PEX5L: variants seen among roughly 807,000 people sequenced by gnomAD.
The protein encoded by PEX5L is PEX5-related protein.
In PEX5L, 30 loss-of-function variants were observed where a neutral mutation model predicts 84.0. The observed-to-expected ratio is 0.36, with a 90% confidence interval of 0.27 to 0.48. The LOEUF is 0.48. Among genes scored for constraint, PEX5L ranks in the 20% least tolerant of loss-of-function variants. PEX5L has a pLI of 0.99. For synonymous variants in PEX5L, 270 were observed against 283.1 expected, an observed-to-expected ratio of 0.95 and a Z score of 0.46; for missense variants, 533 against 754.6, an observed-to-expected ratio of 0.71 and a Z score of 3.44.
At chr3:179,814,067 C>T (rs893509647) in intron 10 of PEX5L, among the ~76,000 whole-genome samples, 7 of 151,906 alleles carry the variant, frequency 4.6e-5, no homozygotes, top group African/African-American at 1.5e-4. Flanking sequence ...CTGATCCTCC[C>T]GCCTTAGCCT....
intron 1 of PEX5L, among the ~76,000 whole-genome samples, chr3:180,029,059 T>G (rs1274496089): frequency 6.6e-6 from 1 of 152,220 alleles, no homozygotes; most frequent in Non-Finnish European, 1.5e-5. Flanking sequence ...GTGTCTTGTT[T>G]GGAGGGCCAT....
At chr3:180,023,059 G>A (rs1579383794) in intron 1 of PEX5L, among the ~76,000 whole-genome samples, 1 of 152,166 alleles carries the variant, frequency 6.6e-6, no homozygotes, top group South Asian at 2.1e-4. Context: ...CAGCGGCTGA[G>A]GTACCGACAT....
intron 1 of PEX5L, among the ~76,000 whole-genome samples, chr3:180,027,370 T>C (rs139061220): frequency 5.9e-5 from 9 of 152,328 alleles, no homozygotes; most frequent in East Asian, 3.9e-4. Context: ...CTCTTAAGCT[T>C]ACAGAAAAAT....
In PEX5L at chr3:179,801,922, A is replaced by G; in HGVS notation, c.1787T>C (p.Ile596Thr). 1.2e-6 allele frequency: 2 copies of G among 1,613,928 alleles called. No individual in the cohort carries two copies. Among genetic ancestry groups the G allele is most frequent in the East Asian group, 2.2e-5 (1 of 44,872 alleles). The change falls in exon 15 of 15, where the codon ATT (isoleucine) becomes ACT (threonine). Residue 596 changes from isoleucine to threonine, a missense_variant. Ile to Thr is a moderately conservative substitution (Grantham distance 89). Around this residue, in one of 8 missense-constraint regions of PEX5L, gnomAD observed 105 missense variants for 204.6 expected, o/e 0.51. Transcript: ENST00000467460. ...TGGTTGGTCCATCAGAGAGAGCGCA[A>G]TTCTGAGGGCAGCCCAGATATTCCC... is the stretch of plus-strand genomic sequence containing the variant. ...ISGNIWAALR[I>T]ALSLMDQPEL...
Position 179,981,215 on chromosome 3 carries a change from A to G in PEX5L, c.22-9550T>C, listed in dbSNP as rs140256407. On this transcript the variant is annotated intron_variant, in intron 1 of 14. Coordinates refer to ENST00000467460, the MANE Select transcript of PEX5L (RefSeq NM_016559.3). The stretch of plus-strand genomic sequence containing the variant: ...TGGGGGTTGATCCAGACGAGGCTGG[A>G]GAGGAAGGCCAAGTCTTGAAAATCA... Among the ~76,000 whole-genome samples the G allele has an allele frequency of 9.2e-3, 1,398 of 152,198 alleles. 14 individuals carry two copies. The highest frequency in any genetic ancestry group is 0.032 in the African/African-American group (1,311 of 41,524).
At chr3:179,847,689 C>G (rs769780463) in intron 8 of PEX5L, among the ~76,000 whole-genome samples, 2 of 151,550 alleles carry the variant, frequency 1.3e-5, no homozygotes, top group South Asian at 4.2e-4. Context: ...TTTGATTTTA[C>G]TTTATAAAAA....
intron 1 of PEX5L, among the ~76,000 whole-genome samples, chr3:180,009,760 G>A (rs2110461420): frequency 6.6e-6 from 1 of 151,828 alleles, no homozygotes; most frequent in African/African-American, 2.4e-5. Context: ...CTATATAGTT[G>A]TTTTTTTCCT....
At chr3:180,022,907 T>C (rs1168169955) in intron 1 of PEX5L, among the ~76,000 whole-genome samples, 2 of 152,110 alleles carry the variant, frequency 1.3e-5, no homozygotes, top group African/African-American at 2.4e-5. Flanking sequence ...GAGTGCAGAG[T>C]ATCGGTAAAG....
intron 1 of PEX5L, among the ~76,000 whole-genome samples, chr3:180,021,226 G>T (rs1392053890): frequency 2.6e-5 from 4 of 152,158 alleles, no homozygotes; most frequent in Non-Finnish European, 5.9e-5. Context: ...AAGGCCAGAG[G>T]CATGGAGGCA....
At chr3:179,887,214 C>T (rs1171309627) in intron 4 of PEX5L, among the ~76,000 whole-genome samples, 1 of 152,116 alleles carries the variant, frequency 6.6e-6, no homozygotes, top group African/African-American at 2.4e-5. Context: ...AAAATGAAAC[C>T]GGCTCTATAC....
chr3:179,932,022 T>C (rs2109629575), intron 2 of PEX5L, among the ~76,000 whole-genome samples: 1 of 152,320 alleles, frequency 6.6e-6, no homozygotes, highest in Admixed American at 6.5e-5. Context: ...TGTACAAGGA[T>C]ATGTTTATCC....
chr3:179,872,380 A>C (rs960914805), intron 7 of PEX5L, among the ~76,000 whole-genome samples: 6 of 152,202 alleles, frequency 3.9e-5, no homozygotes, highest in African/African-American at 1.4e-4. Flanking sequence ...ATAAGTGAAC[A>C]TGCAATGTTT....
In PEX5L at chr3:179,875,541, C is replaced by T. The variant is rs1458502181; in HGVS notation, c.506-64G>A. 4.9e-5 allele frequency: 26 copies of T among 531,680 alleles called. 1 individual carries two copies. The highest frequency in any genetic ancestry group is 1.6e-4 in the South Asian group (9 of 56,946). The allele number at this position is 531,680 out of a possible 1,614,324, so 32.9% of individuals were successfully genotyped here. On this transcript the variant is annotated intron_variant, in intron 5 of 14. Coordinates refer to ENST00000467460, the MANE Select transcript of PEX5L (RefSeq NM_016559.3). ...CAGGGCGGGGTAGGGGGAGCGGTGG[C>T]GGGGAGTGGGGTGAGGGTGGAGCGT...
At chr3:179,916,881 G>C (rs1235252663) in intron 2 of PEX5L, among the ~76,000 whole-genome samples, 1 of 151,702 alleles carries the variant, frequency 6.6e-6, no homozygotes, top group Non-Finnish European at 1.5e-5. Context: ...TGTTGGCCAG[G>C]CTGGTCTCGA....
intron 1 of PEX5L, among the ~76,000 whole-genome samples, chr3:180,032,910 A>C (rs1477616422): frequency 6.6e-6 from 1 of 152,142 alleles, no homozygotes; most frequent in African/African-American, 2.4e-5. Context: ...AGAGAGGTGG[A>C]AGTACCCATG....
chr3:179,926,275 A>G (rs1771426820), intron 2 of PEX5L, among the ~76,000 whole-genome samples: 1 of 152,146 alleles, frequency 6.6e-6, no homozygotes, highest in African/African-American at 2.4e-5. Context: ...CTTAACAACC[A>G]GAGGAAAAGG....
At chr3:179,825,196 G>A (rs1729985506) in intron 8 of PEX5L, among the ~76,000 whole-genome samples, 1 of 152,162 alleles carries the variant, frequency 6.6e-6, no homozygotes, top group East Asian at 1.9e-4. Context: ...CAATCATCAG[G>A]GGGATGCTGA....
At chr3:179,888,311 C>A in intron 3 of PEX5L, 1 of 350,770 alleles carries the variant, frequency 2.9e-6, no homozygotes, top group Non-Finnish European at 5.6e-6. Context: ...CTCTACATTT[C>A]CTTGGAATGC....
At chr3:179,959,016 G>C (rs1268210393) in intron 2 of PEX5L, among the ~76,000 whole-genome samples, 1 of 150,456 alleles carries the variant, frequency 6.6e-6, no homozygotes, top group African/African-American at 2.5e-5. Flanking sequence ...GACAGAGCGA[G>C]ACTCCATCTC....
Sources: allele counts gnomAD v4.1 joint callset (sites outside exome capture counted in the v4.1 genomes callset), GRCh38; gene constraint gnomAD v4.1.1; regional missense constraint gnomAD v4.1.1; transcripts MANE v1.5; gene names NCBI Gene and HGNC (gene_info 2026-07-23, HGNC 2026-07-21).